KAZN: variants seen among roughly 807,000 people sequenced by gnomAD.
The protein encoded by KAZN is kazrin.
KAZN carries 40 observed loss-of-function variants against 87.4 expected under a neutral mutation model. The observed-to-expected ratio is 0.46, with a 90% CI of 0.36 to 0.60. The LOEUF (loss-of-function observed/expected upper bound fraction) is 0.60, where lower values mean the gene tolerates loss of function less well. KAZN is among the 20% of genes least tolerant of loss of function. The probability of loss-of-function intolerance (pLI) is 0.00; values close to 1 mark genes in which losing one functional copy is unlikely to be tolerated. For missense variants in KAZN, 898 were observed against 1,073.9 expected (o/e 0.84, Z 2.29); for synonymous variants, 466 against 458.3 (o/e 1.02, Z -0.22).
chr1:14,578,960 T>C (rs780495743), intron 2 of KAZN, among the ~76,000 whole-genome samples: 17 of 152,162 alleles, frequency 1.1e-4, no homozygotes, highest in Non-Finnish European at 2.1e-4. Context: ...AAACTTTTTG[T>C]CCTTTTCTTT....
At chr1:14,873,831 C>T (rs1008908960) in intron 1 of KAZN, among the ~76,000 whole-genome samples, 1 of 151,984 alleles carries the variant, frequency 6.6e-6, no homozygotes, top group Non-Finnish European at 1.5e-5. Context: ...GGCAAAGTGG[C>T]GAGATTCAGT....
At chr1:14,815,272 C>T (rs1256914965) in intron 1 of KAZN, among the ~76,000 whole-genome samples, 1 of 152,130 alleles carries the variant, frequency 6.6e-6, no homozygotes, top group African/African-American at 2.4e-5. Flanking sequence ...GAAGGGAAGT[C>T]AGGAAATTTG....
intron 1 of KAZN, among the ~76,000 whole-genome samples, chr1:14,049,064 C>G (rs548032925): frequency 6.6e-6 from 1 of 152,120 alleles, no homozygotes; most frequent in African/African-American, 2.4e-5. Flanking sequence ...TGGAACCAAC[C>G]CAAATGTCCA....
intron 1 of KAZN, among the ~76,000 whole-genome samples, chr1:14,710,416 G>A (rs142667250): frequency 9.9e-5 from 15 of 152,246 alleles, no homozygotes; most frequent in African/African-American, 1.7e-4. Flanking sequence ...AGAAAAGGCC[G>A]ATGTCCTACC....
intron 1 of KAZN, among the ~76,000 whole-genome samples, chr1:14,163,549 C>T (rs1373943990): frequency 6.6e-6 from 1 of 152,204 alleles, no homozygotes; most frequent in Non-Finnish European, 1.5e-5. Flanking sequence ...AGTGCGCATG[C>T]TTCAGCCTAC....
chr1:14,571,260 T>C (rs1027764839), intron 2 of KAZN, among the ~76,000 whole-genome samples: 1 of 151,812 alleles, frequency 6.6e-6, no homozygotes, highest in Non-Finnish European at 1.5e-5. Flanking sequence ...CAAACTACTA[T>C]TGAGGAATAA....
chr1:14,596,989 C>T (rs1047195197), upstream of KAZN, among the ~76,000 whole-genome samples: 1 of 152,240 alleles, frequency 6.6e-6, no homozygotes, highest in Non-Finnish European at 1.5e-5. Context: ...CTATGTTTAA[C>T]TGTTCAAGGA....
chr1:15,052,956 C>T (rs1007401475), intron 4 of KAZN, among the ~76,000 whole-genome samples: 23 of 152,330 alleles, frequency 1.5e-4, no homozygotes, highest in African/African-American at 5.5e-4. Flanking sequence ...CCACCCAGGC[C>T]TCTTCCTCAC....
chr1:14,786,969 A>T (rs905459549), intron 1 of KAZN, among the ~76,000 whole-genome samples: 2 of 152,214 alleles, frequency 1.3e-5, no homozygotes, highest in African/African-American at 4.8e-5. Flanking sequence ...ATTTTGAATC[A>T]TGTTTTCTGC....
intron 2 of KAZN, among the ~76,000 whole-genome samples, chr1:14,319,970 A>T (rs1461130618): frequency 1.3e-5 from 2 of 148,442 alleles, no homozygotes; most frequent in African/African-American, 5.0e-5. Context: ...TGGTGAGAAT[A>T]GTTTGTTGTT....
chr1:13,990,997 G>A (rs550735012), intron 1 of KAZN, among the ~76,000 whole-genome samples: 1 of 151,668 alleles, frequency 6.6e-6, no homozygotes, highest in South Asian at 2.1e-4. Context: ...ATTTTTCCGA[G>A]CTCTGTGGTT....
At chr1:14,435,908 C>G (rs957414778) in intron 2 of KAZN, among the ~76,000 whole-genome samples, 6 of 152,066 alleles carry the variant, frequency 3.9e-5, no homozygotes, top group Non-Finnish European at 7.4e-5. Flanking sequence ...ATGGGTGACT[C>G]TATGTGGAGC....
At chr1:14,097,612 GGTGTGT>G (rs925419403) in intron 1 of KAZN, among the ~76,000 whole-genome samples, 1 of 151,906 alleles carries the variant, frequency 6.6e-6, no homozygotes, top group Non-Finnish European at 1.5e-5. Flanking sequence ...GTATGTGAGG[GGTGTGT>G]GTGTGTATGT....
At chr1:14,544,353 T>TTTTTTTTTTTTTTTTTTGTTTTTTTTC (rs1673004581) in intron 2 of KAZN, among the ~76,000 whole-genome samples, 1 of 129,066 alleles carries the variant, frequency 7.7e-6, no homozygotes, top group Non-Finnish European at 1.7e-5. Context: ...TTTCTTTCTT[T>TTTTTTTTTTTTTTTTTTGTTTTTTTTC]TTTTTTTTTT....
intron 8 of KAZN, among the ~76,000 whole-genome samples, chr1:15,088,335 G>C (rs1166938087): frequency 6.6e-6 from 1 of 152,160 alleles, no homozygotes; most frequent in African/African-American, 2.4e-5. Context: ...ATTTAGGGGA[G>C]ACGTCAATGG....
intron 8 of KAZN, among the ~76,000 whole-genome samples, chr1:15,071,110 T>TA (rs1347491979): frequency 6.6e-6 from 1 of 152,182 alleles, no homozygotes; most frequent in Non-Finnish European, 1.5e-5. Context: ...CCCCCAAACT[T>TA]ACAAATATCT....
intron 2 of KAZN, among the ~76,000 whole-genome samples, chr1:14,308,629 T>G (rs1655086559): frequency 6.6e-6 from 1 of 152,202 alleles, no homozygotes; most frequent in Non-Finnish European, 1.5e-5. Flanking sequence ...TGCCAAGTAC[T>G]GGCTGTGTGA....
chr1:14,826,507 G>T (rs1182396187), intron 1 of KAZN, among the ~76,000 whole-genome samples: 1 of 152,196 alleles, frequency 6.6e-6, no homozygotes, highest in African/African-American at 2.4e-5. Flanking sequence ...CTACAGAGCG[G>T]CCTTGCTGCT....
intron 2 of KAZN, among the ~76,000 whole-genome samples, chr1:14,549,106 G>A (rs542873782): frequency 2.9e-4 from 44 of 152,278 alleles, no homozygotes; most frequent in African/African-American, 1.1e-3. Flanking sequence ...GAGCGTACAT[G>A]CTGATTTCAC....
Sources: gnomAD v4.1 joint callset for allele counts (sites outside exome capture counted in the v4.1 genomes callset) on GRCh38, gnomAD v4.1.1 for gene constraint, MANE v1.5 for transcripts, NCBI Gene and HGNC (gene_info 2026-07-23, HGNC 2026-07-21) for gene names.